Variants in SRPK2 observed in about 807,000 individuals in gnomAD.
The protein encoded by SRPK2 is SFRS protein kinase 2.
In SRPK2, 21 loss-of-function variants were observed where a neutral mutation model predicts 90.8. The ratio of observed to expected loss-of-function variants is 0.23; its 90% CI spans 0.16 to 0.33. The LOEUF is 0.33. Ranked by LOEUF, SRPK2 falls within the 10% of genes least tolerant of loss-of-function variation. The pLI is 1.00. For missense variants in SRPK2, 620 were observed against 869.0 expected (o/e 0.71, Z 3.60); for synonymous variants, 288 against 311.1 (o/e 0.93, Z 0.78).
Position 105,270,369 on chromosome 7 carries a change from G to A in SRPK2, c.72-66584C>T, listed in dbSNP as rs540944547. Among the ~76,000 whole-genome samples, 15 of 151,014 alleles carry A rather than the reference G, an allele frequency of 9.9e-5. No individual in the cohort carries two copies. The South Asian group carries it at 2.9e-3, about 30-fold the overall frequency. ...ATTTTGGAAGGAGCAGGGTGTCAGA[G>A]CTCAGACTCTGCCTTGGATTTAGGA... On this transcript the variant is annotated intron_variant, in intron 2 of 15. Transcript: ENST00000393651.
intron 2 of SRPK2, among the ~76,000 whole-genome samples, chr7:105,228,743 G>GT (rs961147349): frequency 6.6e-6 from 1 of 152,160 alleles, no homozygotes; most frequent in African/African-American, 2.4e-5. Context: ...AGAGAATACC[G>GT]TAACACTCAC....
intron 2 of SRPK2, among the ~76,000 whole-genome samples, chr7:105,257,778 A>C (rs1369671900): frequency 6.6e-6 from 1 of 152,198 alleles, no homozygotes; most frequent in African/African-American, 2.4e-5. Flanking sequence ...AGCTTTAAAA[A>C]GCATTAAAAG....
At chr7:105,219,356 C>T (rs1319025492) in intron 2 of SRPK2, among the ~76,000 whole-genome samples, 1 of 152,166 alleles carries the variant, frequency 6.6e-6, no homozygotes, top group Non-Finnish European at 1.5e-5. Flanking sequence ...ATGTCTACGC[C>T]CTGGACAGGA....
chr7:105,311,110 C>A (rs554685463), intron 2 of SRPK2, among the ~76,000 whole-genome samples: 1 of 151,896 alleles, frequency 6.6e-6, no homozygotes, highest in South Asian at 2.1e-4. Context: ...GAAAAGGCAA[C>A]CTACAGAATG....
intron 2 of SRPK2, among the ~76,000 whole-genome samples, chr7:105,281,094 G>GT (rs1807267119): frequency 6.7e-6 from 1 of 148,590 alleles, no homozygotes; most frequent in South Asian, 2.2e-4. Flanking sequence ...TTGTTGTTTG[G>GT]TTTTTCCCCC....
At chr7:105,269,248 C>T (rs142420776) in intron 2 of SRPK2, among the ~76,000 whole-genome samples, 3 of 151,982 alleles carry the variant, frequency 2.0e-5, no homozygotes, top group Non-Finnish European at 4.4e-5. Flanking sequence ...TGGGTAATCA[C>T]GTCACAGGCT....
At chr7:105,303,785 G>A (rs533683840) in intron 2 of SRPK2, among the ~76,000 whole-genome samples, 6 of 152,096 alleles carry the variant, frequency 3.9e-5, no homozygotes, top group Non-Finnish European at 8.8e-5. Context: ...AATTCGTACA[G>A]TTTAATGGTT....
chr7:105,285,642 T>G (rs1263505892), intron 2 of SRPK2, among the ~76,000 whole-genome samples: 2 of 151,236 alleles, frequency 1.3e-5, no homozygotes, highest in Admixed American at 1.3e-4. Context: ...GTTCCCTTGG[T>G]GACAAGTGAG....
intron 3 of SRPK2, among the ~76,000 whole-genome samples, chr7:105,192,790 GATC>G (rs1359880300): frequency 6.6e-6 from 1 of 152,136 alleles, no homozygotes; most frequent in Non-Finnish European, 1.5e-5. Context: ...GCATTTCCCT[GATC>G]ATTAGTGATG....
intron 2 of SRPK2, among the ~76,000 whole-genome samples, chr7:105,310,583 G>T (rs1358869075): frequency 6.6e-6 from 1 of 152,036 alleles, no homozygotes. Context: ...GGCAGAGGTT[G>T]TAGAAGCCGA....
intron 2 of SRPK2, among the ~76,000 whole-genome samples, chr7:105,255,318 C>A (rs535620116): frequency 6.6e-6 from 1 of 151,670 alleles, no homozygotes; most frequent in Non-Finnish European, 1.5e-5. Context: ...AGCAAATACC[C>A]GTATCTGCGT....
At chr7:105,375,982 T>C (rs1290099932) in intron 2 of SRPK2, among the ~76,000 whole-genome samples, 1 of 134,576 alleles carries the variant, frequency 7.4e-6, no homozygotes, top group East Asian at 2.2e-4. Context: ...AGAATTCATT[T>C]CTTTTTTTTT....
At chr7:105,170,986 A>C (rs1468923072) in intron 3 of SRPK2, among the ~76,000 whole-genome samples, 1 of 133,438 alleles carries the variant, frequency 7.5e-6, no homozygotes, top group Non-Finnish European at 1.6e-5. Context: ...AGAGAAAGAA[A>C]GAAAGAAAGA....
At chr7:105,204,676 C>T in intron 2 of SRPK2, 1 of 990,682 alleles carries the variant, frequency 1.0e-6, no homozygotes, top group African/African-American at 1.6e-5. Context: ...GGCATTTCTG[C>T]AACGGCAGCC....
intron 2 of SRPK2, among the ~76,000 whole-genome samples, chr7:105,264,743 A>G (rs991660962): frequency 1.3e-5 from 2 of 152,224 alleles, no homozygotes; most frequent in Non-Finnish European, 2.9e-5. Context: ...CACTGTTGTG[A>G]GTTGTTAATT....
chr7:105,211,499 A>G (rs1320176167), intron 2 of SRPK2, among the ~76,000 whole-genome samples: 2 of 152,234 alleles, frequency 1.3e-5, no homozygotes, highest in East Asian at 3.9e-4. Context: ...GAAACTTACA[A>G]TCATGGTGGA....
At chr7:105,334,848 A>G (rs945527532) in intron 2 of SRPK2, among the ~76,000 whole-genome samples, 1 of 149,936 alleles carries the variant, frequency 6.7e-6, no homozygotes, top group African/African-American at 2.5e-5. Flanking sequence ...AAAAAAAAAA[A>G]CAAAAAAAAA....
intron 2 of SRPK2, among the ~76,000 whole-genome samples, chr7:105,302,870 T>G (rs1448156520): frequency 6.6e-6 from 1 of 152,048 alleles, no homozygotes; most frequent in African/African-American, 2.4e-5. Flanking sequence ...AATTTCTGTA[T>G]TGTTGAAGAC....
chr7:105,157,200 A>T (rs1328265468), intron 7 of SRPK2, among the ~76,000 whole-genome samples: 2 of 152,222 alleles, frequency 1.3e-5, no homozygotes, highest in Non-Finnish European at 2.9e-5. Context: ...AGAGTAAAAG[A>T]CATGGCAAAG....
Sources: gnomAD v4.1 joint callset for allele counts (sites outside exome capture counted in the v4.1 genomes callset) on GRCh38, gnomAD v4.1.1 for gene constraint, MANE v1.5 for transcripts, NCBI Gene and HGNC (gene_info 2026-07-23, HGNC 2026-07-21) for gene names.